Variants in SAMD12 observed in about 807,000 individuals in gnomAD.
SAMD12 encodes sterile alpha motif domain-containing protein 12.
A neutral mutation model predicts 15.0 loss-of-function variants in SAMD12; 9 were observed. The ratio of observed to expected loss-of-function variants is 0.60; its 90% CI spans 0.36 to 1.05. The LOEUF (loss-of-function observed/expected upper bound fraction) is 1.05. SAMD12 is among the 50% of genes least tolerant of loss of function. The pLI, the probability that SAMD12 is intolerant of heterozygous loss-of-function variation, is 0.01. For synonymous variants in SAMD12, 86 were observed against 90.1 expected, an observed-to-expected ratio of 0.96 and a Z score of 0.25; for missense variants, 230 against 234.2, an observed-to-expected ratio of 0.98 and a Z score of 0.12.
At chr8:118,461,819 G>A (rs1823431689) in intron 2 of SAMD12, among the ~76,000 whole-genome samples, 2 of 152,132 alleles carry the variant, frequency 1.3e-5, no homozygotes, top group African/African-American at 4.8e-5. Flanking sequence ...ATACCCATCG[G>A]GGAAACATGC....
chr8:118,611,222 C>T (rs964146658), intron 1 of SAMD12, among the ~76,000 whole-genome samples: 1 of 152,026 alleles, frequency 6.6e-6, no homozygotes, highest in Non-Finnish European at 1.5e-5. Flanking sequence ...CATATACTTC[C>T]CTAGATGACT....
At chr8:118,561,934 T>A (rs1163566585) in intron 2 of SAMD12, among the ~76,000 whole-genome samples, 4 of 152,176 alleles carry the variant, frequency 2.6e-5, no homozygotes, top group African/African-American at 9.6e-5. Flanking sequence ...TAAAATATAA[T>A]CAATCTCTAT....
At chr8:118,320,722 T>C (rs1036823278) in intron 4 of SAMD12, among the ~76,000 whole-genome samples, 1 of 150,890 alleles carries the variant, frequency 6.6e-6, no homozygotes, top group Non-Finnish European at 1.5e-5. Flanking sequence ...ACGTAAATGA[T>C]GAGTTAATGG....
chr8:118,146,755 C>T, the SAMD12 span, among the ~76,000 whole-genome samples: 1,101 of 152,232 alleles, frequency 7.2e-3, 19 homozygotes, highest in African/African-American at 0.025. Context: ...ACGAGCCACA[C>T]TGGGTTTTGA....
chr8:118,185,639 G>T (rs1463677915), downstream of SAMD12, among the ~76,000 whole-genome samples: 1 of 152,164 alleles, frequency 6.6e-6, no homozygotes, highest in Admixed American at 6.5e-5. Context: ...GCTACAAAGG[G>T]ATTACAGGAG....
At chr8:118,519,798 G>C (rs1825339073) in intron 2 of SAMD12, among the ~76,000 whole-genome samples, 4 of 152,098 alleles carry the variant, frequency 2.6e-5, no homozygotes, top group Admixed American at 2.0e-4. Context: ...TTTAAAATTA[G>C]AACTTGCTAT....
chr8:118,520,780 C>T lies in SAMD12; in HGVS notation c.192+59935G>A, dbSNP rs564957117. Among the ~76,000 whole-genome samples the T allele has an allele frequency of 1.1e-3, 172 of 152,152 alleles. 1 individual carries two copies. Among genetic ancestry groups the T allele is most frequent in the Non-Finnish European group, 1.9e-3 (130 of 67,990 alleles). ...GTGGCTCAATTTACTGTTTCCTATA[C>T]AAACTTTTTTTCATTGATTTAGAAA... On this transcript the variant is annotated intron_variant, in intron 2 of 3. Transcript: ENST00000314727.
At chr8:118,363,360 C>A (rs906897896) in intron 4 of SAMD12, among the ~76,000 whole-genome samples, 3 of 152,116 alleles carry the variant, frequency 2.0e-5, no homozygotes, top group Admixed American at 1.3e-4. Flanking sequence ...TTTCCCTCCC[C>A]ATGTCAATGG....
intron 2 of SAMD12, among the ~76,000 whole-genome samples, chr8:118,461,692 G>A (rs1391727602): frequency 6.6e-6 from 1 of 152,122 alleles, no homozygotes; most frequent in Non-Finnish European, 1.5e-5. Flanking sequence ...GGAACATATA[G>A]ATTCACCTCC....
chr8:118,291,921 G>A (rs1287349182), intron 4 of SAMD12, among the ~76,000 whole-genome samples: 2 of 151,080 alleles, frequency 1.3e-5, no homozygotes, highest in South Asian at 2.1e-4. Context: ...TGGATCCTAA[G>A]CATGCTCCTG....
chr8:118,182,708 T>G, the SAMD12 span, among the ~76,000 whole-genome samples: 1 of 152,146 alleles, frequency 6.6e-6, no homozygotes, highest in African/African-American at 2.4e-5. Flanking sequence ...ACTAAAGCCA[T>G]CTCACCCCAG....
chr8:118,292,242 A>G (rs1814417631), intron 4 of SAMD12, among the ~76,000 whole-genome samples: 1 of 151,374 alleles, frequency 6.6e-6, no homozygotes, highest in Non-Finnish European at 1.5e-5. Flanking sequence ...AATCACCACT[A>G]AAGAACTCAC....
chr8:118,189,372 T>C (rs551072085), downstream of SAMD12: 9 of 152,338 alleles, frequency 5.9e-5, no homozygotes, highest in East Asian at 1.7e-3. Context: ...CTTTTTCTTC[T>C]GCAAGCTGAT....
the SAMD12 span, among the ~76,000 whole-genome samples, chr8:118,180,619 T>C: frequency 6.6e-6 from 1 of 152,066 alleles, no homozygotes; most frequent in African/African-American, 2.4e-5. Context: ...GTTGACCAGG[T>C]TGGAGTGCAG....
chr8:118,517,682 A>G (rs923355777), intron 2 of SAMD12, among the ~76,000 whole-genome samples: 2 of 152,194 alleles, frequency 1.3e-5, no homozygotes, highest in Admixed American at 1.3e-4. Context: ...TCACACACAC[A>G]TTAGGTGGCT....
At chr8:118,528,693 C>T (rs540981808) in intron 2 of SAMD12, among the ~76,000 whole-genome samples, 2 of 152,300 alleles carry the variant, frequency 1.3e-5, no homozygotes, top group East Asian at 1.9e-4. Context: ...TTCTCATTTC[C>T]TCTGCCCAGA....
At chr8:118,187,760 C>T (rs1318589083), downstream of SAMD12, among the ~76,000 whole-genome samples, 5 of 152,248 alleles carry the variant, frequency 3.3e-5, no homozygotes, top group African/African-American at 9.6e-5. Context: ...AAAGCTTTCA[C>T]GTACCTCAGA....
At chr8:118,313,128 C>A (rs1815712489) in intron 4 of SAMD12, among the ~76,000 whole-genome samples, 1 of 152,126 alleles carries the variant, frequency 6.6e-6, no homozygotes, top group Admixed American at 6.5e-5. Flanking sequence ...TTAAGAGATG[C>A]CCTCTCTGTC....
At chr8:118,136,418 A>G in the SAMD12 span, among the ~76,000 whole-genome samples, 1 of 152,258 alleles carries the variant, frequency 6.6e-6, no homozygotes, top group South Asian at 2.1e-4. Context: ...TGGGAAAGTC[A>G]TAAGGGAGAA....
Sources: allele counts gnomAD v4.1 joint callset (sites outside exome capture counted in the v4.1 genomes callset), GRCh38; gene constraint gnomAD v4.1.1; transcripts MANE v1.5; gene names NCBI Gene and HGNC (gene_info 2026-07-23, HGNC 2026-07-21).